The following CHST11 variants were observed in gnomAD, a reference collection of about 807,000 sequenced individuals.
The protein encoded by CHST11 is C4S-1.
A neutral mutation model predicts 30.4 loss-of-function variants in CHST11; 9 were observed. The observed-to-expected ratio is 0.30, with a 90% CI of 0.18 to 0.52. CHST11 has a LOEUF of 0.52. Among genes scored for constraint, CHST11 ranks in the 20% least tolerant of loss-of-function variants. The pLI is 0.97. For missense variants in CHST11, 348 were observed against 460.6 expected (o/e 0.76, Z 2.24); for synonymous variants, 152 against 187.8 (o/e 0.81, Z 1.56).
intron 2 of CHST11, among the ~76,000 whole-genome samples, chr12:104,715,453 T>C (rs963827743): frequency 6.6e-6 from 1 of 152,194 alleles, no homozygotes; most frequent in Non-Finnish European, 1.5e-5. Flanking sequence ...AATAAGACCC[T>C]GCATGACATA....
chr12:104,501,903 G>A (rs930758531), intron 1 of CHST11, among the ~76,000 whole-genome samples: 1 of 152,232 alleles, frequency 6.6e-6, no homozygotes, highest in African/African-American at 2.4e-5. Flanking sequence ...GGCCCTTGCT[G>A]ATTTTAGGGT....
At chr12:104,466,808 G>A (rs1457723877) in intron 1 of CHST11, among the ~76,000 whole-genome samples, 5 of 152,188 alleles carry the variant, frequency 3.3e-5, no homozygotes, top group South Asian at 2.1e-4. Context: ...ACATATCTAG[G>A]ATAGGATCCT....
chr12:104,462,167 C>CAAAAA (rs796356338), intron 1 of CHST11, among the ~76,000 whole-genome samples: 20 of 65,568 alleles, frequency 3.1e-4, no homozygotes, highest in African/African-American at 9.3e-4. Context: ...AACACCATCT[C>CAAAAA]AAAAAAAAAA....
At chr12:104,479,134 C>T (rs2037592750) in intron 1 of CHST11, among the ~76,000 whole-genome samples, 1 of 151,896 alleles carries the variant, frequency 6.6e-6, no homozygotes, top group African/African-American at 2.4e-5. Context: ...CCTTCCTTTC[C>T]CAACCCAACT....
intron 1 of CHST11, among the ~76,000 whole-genome samples, chr12:104,513,357 A>C (rs891416376): frequency 6.6e-6 from 1 of 152,192 alleles, no homozygotes; most frequent in Non-Finnish European, 1.5e-5. Flanking sequence ...CAGACTTCTC[A>C]GATTTGGGAG....
At chr12:104,476,788 AT>A (rs1277571535) in intron 1 of CHST11, among the ~76,000 whole-genome samples, 1 of 151,754 alleles carries the variant, frequency 6.6e-6, no homozygotes, top group Non-Finnish European at 1.5e-5. Context: ...TGTCATCCAG[AT>A]TCCTGATGGA....
At chr12:104,746,571 G>A (rs766000055) in intron 2 of CHST11, among the ~76,000 whole-genome samples, 9 of 152,078 alleles carry the variant, frequency 5.9e-5, no homozygotes, top group Non-Finnish European at 1.3e-4. Flanking sequence ...TTCCAGCCAC[G>A]GTGCATTTTC....
Position 104,600,643 on chromosome 12 carries a change from G to T in CHST11, c.119-1263G>T, listed in dbSNP as rs568022621. Among the ~76,000 whole-genome samples, 226 of 152,308 alleles carry T rather than the reference G, an allele frequency of 1.5e-3. 4 individuals are homozygous for T. In the South Asian group the frequency reaches 0.03, roughly 20 times the overall value. Reference sequence around the variant, plus strand: ...CCTTAAGGTCACACAGCTGGTAGTGGTAGAGCCAGTATTGAAACCCAGGCT... The same window carrying T: ...CCTTAAGGTCACACAGCTGGTAGTGTTAGAGCCAGTATTGAAACCCAGGCT... On this transcript the variant is annotated intron_variant, in intron 1 of 2. Coordinates refer to ENST00000303694, the MANE Select transcript of CHST11 (RefSeq NM_018413.6). The surrounding 1 kb of genome is among the most constrained non-coding windows in gnomAD (Gnocchi z 4.1).
chr12:104,694,122 T>C (rs189879800), intron 2 of CHST11, among the ~76,000 whole-genome samples: 124 of 152,326 alleles, frequency 8.1e-4, no homozygotes, highest in African/African-American at 2.9e-3. Context: ...CTTTATGGCA[T>C]ATCTATTCAT....
At chr12:104,516,377 G>T (rs2038022313) in intron 1 of CHST11, among the ~76,000 whole-genome samples, 1 of 152,094 alleles carries the variant, frequency 6.6e-6, no homozygotes, top group African/African-American at 2.4e-5. Flanking sequence ...TATGTGATTG[G>T]CTCAGATCCT....
chr12:104,743,940 C>T (rs1455174141), intron 2 of CHST11, among the ~76,000 whole-genome samples: 3 of 152,012 alleles, frequency 2.0e-5, no homozygotes, highest in East Asian at 1.9e-4. Flanking sequence ...GACATGATCT[C>T]TCTTTTTTTA....
intron 2 of CHST11, among the ~76,000 whole-genome samples, chr12:104,718,842 C>T (rs972287516): frequency 6.6e-6 from 1 of 152,178 alleles, no homozygotes; most frequent in African/African-American, 2.4e-5. Context: ...GGAGTCGACA[C>T]AGTCCTCATT....
rs1193385025 is a variant in CHST11 at position 104,757,861 on chromosome 12, A to C, written c.*58A>C. The C allele has an allele frequency of 1.6e-5, 23 of 1,482,496 alleles. No homozygotes were observed. Among genetic ancestry groups the C allele is most frequent in the Non-Finnish European group, 2.1e-5 (23 of 1,096,168 alleles). 91.8% of individuals were successfully genotyped at this position (1,482,496 alleles called of 1,614,324 possible). On this transcript the variant is annotated 3_prime_UTR_variant, in exon 3 of 3. Transcript: ENST00000303694. This position sits in a 1 kb window ranked among gnomAD's most constrained non-coding sequence, Gnocchi z 6.5. ...TTAATTTAAGATTTTTATTTGTCAA[A>C]AGAATTATATGGATATTGGGTTATT... is the stretch of plus-strand genomic sequence containing the variant.
chr12:104,699,147 T>C (rs1315372725), intron 2 of CHST11, among the ~76,000 whole-genome samples: 1 of 152,182 alleles, frequency 6.6e-6, no homozygotes, highest in Non-Finnish European at 1.5e-5. Context: ...ATCAAATCTT[T>C]GGGTGGGGCC....
chr12:104,739,900 G>A (rs1364885514), intron 2 of CHST11, among the ~76,000 whole-genome samples: 3 of 152,236 alleles, frequency 2.0e-5, no homozygotes. Context: ...TGACTCCAGA[G>A]TCTGATCTCC....
chr12:104,520,278 T>C (rs1429185842), intron 1 of CHST11, among the ~76,000 whole-genome samples: 1 of 152,204 alleles, frequency 6.6e-6, no homozygotes, highest in Non-Finnish European at 1.5e-5. Context: ...TCTCAGGATC[T>C]TACATGCCAC....
Position 104,758,715 on chromosome 12 carries a change from C to T in CHST11, c.*912C>T, listed in dbSNP as rs1008613421. The stretch of plus-strand genomic sequence containing the variant: ...GACTTGACATGAGGTTTGGACTATT[C>T]ATGAGCAACAGCAGAAGGTCCATGA... On this transcript the variant is annotated 3_prime_UTR_variant, in exon 3 of 3. Coordinates refer to ENST00000303694, the MANE Select transcript of CHST11 (RefSeq NM_018413.6). The T allele has an allele frequency of 3.3e-5, 5 of 152,168 alleles. No homozygotes were observed. The highest frequency in any genetic ancestry group is 1.2e-4 in the African/African-American group (5 of 41,434). The allele number at this position is 152,168 out of a possible 1,614,324, so 9.4% of individuals were successfully genotyped here.
At chr12:104,696,227 G>A (rs2039943231) in intron 2 of CHST11, among the ~76,000 whole-genome samples, 1 of 151,934 alleles carries the variant, frequency 6.6e-6, no homozygotes, top group African/African-American at 2.4e-5. Flanking sequence ...AATTTTTGAA[G>A]ATAAAGTGCA....
chr12:104,620,378 A>C (rs1472770317), intron 2 of CHST11, among the ~76,000 whole-genome samples: 2 of 152,226 alleles, frequency 1.3e-5, no homozygotes, highest in African/African-American at 2.4e-5. Flanking sequence ...AGCAGCTGAC[A>C]TCCAATTATT....
Sources: gnomAD v4.1 joint callset for allele counts (sites outside exome capture counted in the v4.1 genomes callset) on GRCh38, gnomAD v4.1.1 for gene constraint, Gnocchi (gnomAD v3.1) non-coding constraint, MANE v1.5 for transcripts, NCBI Gene and HGNC (gene_info 2026-07-23, HGNC 2026-07-21) for gene names.